Variants in COLEC10 observed in about 807,000 individuals in gnomAD.
The protein encoded by COLEC10 is collectin subfamily member 10.
In COLEC10, 22 loss-of-function variants were observed where a neutral mutation model predicts 28.4. The ratio of observed to expected loss-of-function variants is 0.78; its 90% CI spans 0.55 to 1.11. The LOEUF is 1.11. Among genes scored for constraint, COLEC10 ranks in the 50% least tolerant of loss-of-function variants. COLEC10 has a pLI of 0.00. For synonymous variants in COLEC10, 125 were observed against 116.1 expected, an observed-to-expected ratio of 1.08 and a Z score of -0.49; for missense variants, 361 against 344.1, an observed-to-expected ratio of 1.05 and a Z score of -0.39.
chr8:119,104,754 A>C (rs1434937530), intron 5 of COLEC10, among the ~76,000 whole-genome samples: 1 of 152,164 alleles, frequency 6.6e-6, no homozygotes, highest in Non-Finnish European at 1.5e-5. Context: ...AACCACACTA[A>C]TTATAACTTT....
the COLEC10 span, among the ~76,000 whole-genome samples, chr8:118,973,692 A>G: frequency 6.6e-6 from 1 of 152,012 alleles, no homozygotes; most frequent in Non-Finnish European, 1.5e-5. Flanking sequence ...GGAAGGCATT[A>G]AACAAGAGCA....
At chr8:119,091,573 A>G (rs376918356) in intron 3 of COLEC10, among the ~76,000 whole-genome samples, 438 of 140,632 alleles carry the variant, frequency 3.1e-3, no homozygotes, top group African/African-American at 0.01. Flanking sequence ...GAAAGAAAGA[A>G]AGAGAGAGAG....
chr8:119,099,723 T>C (rs984708499), intron 3 of COLEC10, among the ~76,000 whole-genome samples: 10 of 152,306 alleles, frequency 6.6e-5, no homozygotes, highest in Middle Eastern at 3.4e-3. Flanking sequence ...TTCTATATTA[T>C]TAAGTTCTAG....
chr8:119,094,011 T>A, intron 3 of COLEC10, among the ~76,000 whole-genome samples: 1 of 152,168 alleles, frequency 6.6e-6, no homozygotes, highest in Admixed American at 6.6e-5. Flanking sequence ...TAATGAGATA[T>A]CTTTATGTAA....
the COLEC10 span, among the ~76,000 whole-genome samples, chr8:118,984,256 C>T: frequency 1.3e-5 from 2 of 152,022 alleles, no homozygotes; most frequent in Admixed American, 6.6e-5. Context: ...ACTATATGTT[C>T]TTACGTATAA....
chr8:119,008,000 CA>C (rs549536914), intron 1 of COLEC10, among the ~76,000 whole-genome samples: 133 of 150,638 alleles, frequency 8.8e-4, no homozygotes, highest in Non-Finnish European at 1.6e-3. Flanking sequence ...TTACTAAGTA[CA>C]AAAAAATTAT....
chr8:118,966,407 A>G, the COLEC10 span, among the ~76,000 whole-genome samples: 1 of 152,182 alleles, frequency 6.6e-6, no homozygotes, highest in Non-Finnish European at 1.5e-5. Context: ...CGAAAAGAAT[A>G]TTACATTCAG....
intron 1 of COLEC10, among the ~76,000 whole-genome samples, chr8:119,077,947 T>C (rs1252267691): frequency 6.6e-5 from 10 of 152,232 alleles, no homozygotes; most frequent in Non-Finnish European, 1.0e-4. Context: ...TGCCACCATC[T>C]GCTTCTGGTG....
chr8:119,001,572 T>C (rs1813700484), intron 1 of COLEC10, among the ~76,000 whole-genome samples: 1 of 152,134 alleles, frequency 6.6e-6, no homozygotes, highest in Admixed American at 6.5e-5. Flanking sequence ...TAAAAGTGCA[T>C]GCTCAATAAA....
chr8:119,034,733 T>A (rs541298552), intron 2 of COLEC10, among the ~76,000 whole-genome samples: 4 of 152,222 alleles, frequency 2.6e-5, no homozygotes, highest in African/African-American at 9.6e-5. Context: ...ACTATGATGT[T>A]AGTCTTACTC....
the COLEC10 span, among the ~76,000 whole-genome samples, chr8:118,954,376 A>G: frequency 1.3e-5 from 2 of 152,336 alleles, no homozygotes; most frequent in East Asian, 1.9e-4. Flanking sequence ...AATCTGGCCA[A>G]TCCCCTAGGG....
chr8:119,056,821 C>G (rs369063768), intron 2 of COLEC10, among the ~76,000 whole-genome samples: 68 of 151,974 alleles, frequency 4.5e-4, no homozygotes, highest in African/African-American at 1.5e-3. Flanking sequence ...GTTCCAAACT[C>G]CTCAGCAGCA....
At chr8:118,988,353 G>A in the COLEC10 span, among the ~76,000 whole-genome samples, 15 of 152,092 alleles carry the variant, frequency 9.9e-5, no homozygotes, top group Admixed American at 1.3e-4. Context: ...TAACAAAGAC[G>A]TAGTCTCCAT....
intron 3 of COLEC10, among the ~76,000 whole-genome samples, chr8:119,091,595 G>GAGAGAGAGAGAAAGAA (rs1250359009): frequency 7.7e-4 from 107 of 138,556 alleles, no homozygotes; most frequent in African/African-American, 2.6e-3. Flanking sequence ...GAGAGAGAGA[G>GAGAGAGAGAGAAAGAA]AGAAAGAAAG....
rs1373950911 is a variant in COLEC10 at position 119,106,997 on chromosome 8, T to C, written c.*806T>C. Among the ~76,000 whole-genome samples, 2 of 152,192 alleles carry C rather than the reference T, an allele frequency of 1.3e-5. No homozygotes were observed. The highest frequency in any genetic ancestry group is 2.9e-5 in the Non-Finnish European group (2 of 68,034). On this transcript the variant is annotated 3_prime_UTR_variant, in exon 6 of 6. Coordinates refer to ENST00000332843, the MANE Select transcript of COLEC10 (RefSeq NM_006438.5). ...GGAATTGTTCACAAACAATACTGGTTATAGTTCTCTTGCTAAATTGCCCAC... is the reference window on the plus strand; with the variant it reads ...GGAATTGTTCACAAACAATACTGGTCATAGTTCTCTTGCTAAATTGCCCAC...
the COLEC10 span, among the ~76,000 whole-genome samples, chr8:118,990,187 TTGTA>T: frequency 2.0e-5 from 3 of 152,060 alleles, no homozygotes; most frequent in Non-Finnish European, 2.9e-5. Flanking sequence ...ACAAGATAGA[TTGTA>T]TGGTCACTGA....
upstream of COLEC10, among the ~76,000 whole-genome samples, chr8:118,994,798 AG>A (rs1420166472): frequency 8.5e-5 from 13 of 152,112 alleles, no homozygotes; most frequent in Admixed American, 7.9e-4. Context: ...ATGAAATAAA[AG>A]TTATGTATTT....
At chr8:119,066,619 C>A (rs1485297), upstream of COLEC10, among the ~76,000 whole-genome samples, 1 of 152,158 alleles carries the variant, frequency 6.6e-6, no homozygotes, top group Non-Finnish European at 1.5e-5. Flanking sequence ...AGAATATTTC[C>A]TTGAGATAGT....
At chr8:118,973,867 A>G in the COLEC10 span, among the ~76,000 whole-genome samples, 2 of 151,914 alleles carry the variant, frequency 1.3e-5, no homozygotes, top group Admixed American at 6.6e-5. Flanking sequence ...ATAGACTCCA[A>G]ATTTTTCACA....
Sources: allele counts gnomAD v4.1 joint callset (sites outside exome capture counted in the v4.1 genomes callset), GRCh38; gene constraint gnomAD v4.1.1; transcripts MANE v1.5; gene names NCBI Gene and HGNC (gene_info 2026-07-23, HGNC 2026-07-21).